EPHB4: variants seen among roughly 807,000 people sequenced by gnomAD.
EPHB4 encodes EPH receptor B4, also known as ephrin type-B receptor 4.
EPHB4 carries 50 observed loss-of-function variants against 110.6 expected under a neutral mutation model. The observed-to-expected ratio is 0.45, with a 90% CI of 0.36 to 0.57. The LOEUF (loss-of-function observed/expected upper bound fraction) is 0.57, where lower values mean the gene tolerates loss of function less well. Ranked by LOEUF, EPHB4 falls within the 20% of genes least tolerant of loss-of-function variation. The pLI is 0.00. For synonymous variants in EPHB4, 592 were observed against 578.4 expected (o/e 1.02, Z -0.34); for missense variants, 1,128 against 1,382.1 (o/e 0.82, Z 2.91).
At chr7:100,813,802 G>A in intron 9 of EPHB4, 86 bp from the exon 10 acceptor site, 1 of 1,606,374 alleles carries the variant, frequency 6.2e-7, no homozygotes, top group Non-Finnish European at 8.5e-7. Context: ...GCAGGGATTG[G>A]AGAAGATTTC....
Position 100,820,067 on chromosome 7 carries a change from G to T in EPHB4, c.964+74C>A, listed in dbSNP as rs1039656289. 3.2e-6 allele frequency: 5 copies of T among 1,562,886 alleles called. No individual in the cohort carries two copies. In the African/African-American group the frequency reaches 6.8e-5, roughly 21 times the overall value. On this transcript the variant is annotated intron_variant, in intron 5 of 16. Coordinates refer to ENST00000358173, the MANE Select transcript of EPHB4 (RefSeq NM_004444.5). ...AAGGGAAGAAGCCCAGGGAGGATGG[G>T]GGCCATGTGAGGGTCCACCTCAGAG...
intron 13 of EPHB4, 63 bp downstream of exon 13, chr7:100,807,302 T>C: frequency 6.4e-7 from 1 of 1,565,858 alleles, no homozygotes; most frequent in Non-Finnish European, 8.7e-7. Flanking sequence ...CCTCCCACCT[T>C]TCCAACCTGC....
intron 16 of EPHB4, 120 bp from the exon 17 acceptor site, chr7:100,803,710 A>T: frequency 7.8e-7 from 1 of 1,278,230 alleles, no homozygotes; most frequent in Non-Finnish European, 1.0e-6. Flanking sequence ...CCAGCGGGGG[A>T]GGGAGAACAG....
chr7:100,817,181 C>A lies in EPHB4; in HGVS notation c.1588+11G>T. The A allele has an allele frequency of 6.6e-7, 1 of 1,524,538 alleles. No homozygotes were observed. The highest frequency in any genetic ancestry group is 8.8e-7 in the Non-Finnish European group (1 of 1,137,446). 94.4% of individuals were successfully genotyped at this position (1,524,538 alleles called of 1,614,324 possible). The stretch of plus-strand genomic sequence containing the variant: ...TCCAACCCCCACCCTCACCCCCTTC[C>A]CCAGGCTCACCATCCAGTTGGGTCT... On this transcript the variant is annotated intron_variant, in intron 8 of 16. Coordinates refer to ENST00000358173, the MANE Select transcript of EPHB4 (RefSeq NM_004444.5).
At chr7:100,821,150 G>A (rs1220661417) in intron 4 of EPHB4, 1 of 151,214 alleles carries the variant, frequency 6.6e-6, no homozygotes, top group East Asian at 2.1e-4. Context: ...TCCCAGACCG[G>A]AGTGCAGTGG....
In EPHB4 at chr7:100,822,850, C is replaced by G. The variant is rs927168664; in HGVS notation, c.412-183G>C. ...ACTGTCCATTCAGCCTTGCAAAGCT[C>G]CTGCGATATGCCCGGCCTCTGGCCT... is the stretch of plus-strand genomic sequence containing the variant. On this transcript the variant is annotated intron_variant, in intron 3 of 16. Coordinates refer to ENST00000358173, the MANE Select transcript of EPHB4 (RefSeq NM_004444.5). The surrounding 1 kb of genome is among the most constrained non-coding windows in gnomAD (Gnocchi z 4.7). 1.3e-5 allele frequency among the ~76,000 whole-genome samples: 2 copies of G among 152,208 alleles called. No individual in the cohort carries two copies. Among genetic ancestry groups the G allele is most frequent in the Non-Finnish European group, 2.9e-5 (2 of 68,038 alleles).
At chr7:100,806,986 A>G (rs1202401165) in intron 13 of EPHB4, among the ~76,000 whole-genome samples, 1 of 152,046 alleles carries the variant, frequency 6.6e-6, no homozygotes, top group Non-Finnish European at 1.5e-5. Flanking sequence ...CTTTTGAGAC[A>G]GGGTCTTGCT....
At chr7:100,816,524 C>T (rs116824262) in intron 8 of EPHB4, among the ~76,000 whole-genome samples, 170 of 151,956 alleles carry the variant, frequency 1.1e-3, no homozygotes, top group African/African-American at 3.9e-3. Context: ...AGTAGAGACG[C>T]GGTTTCACCA....
In EPHB4 at chr7:100,820,123, T is replaced by A. The variant is rs776499861; in HGVS notation, c.964+18A>T. 4 of 1,611,914 alleles carry A rather than the reference T, an allele frequency of 2.5e-6. No individual in the cohort carries two copies. The highest frequency in any genetic ancestry group is 3.4e-6 in the Non-Finnish European group (4 of 1,179,120). On this transcript the variant is annotated intron_variant, in intron 5 of 16. Transcript: ENST00000358173. ...TGACCCCTCCCCAGTGAACTGCACC[T>A]GGGTGCTGGTCACTTACTGGTGCAG... is the stretch of plus-strand genomic sequence containing the variant.
Position 100,813,609 on chromosome 7 carries a change from C to A in EPHB4, c.1756+43G>T, listed in dbSNP as rs200154185. 9 of 1,608,308 alleles carry A rather than the reference C, an allele frequency of 5.6e-6. No homozygotes were observed. In the African/African-American group the frequency reaches 1.1e-4, roughly 19 times the overall value. On this transcript the variant is annotated intron_variant, in intron 10 of 16. Transcript: ENST00000358173. ...GGGATTATAGATAGGAGCCACCACA[C>A]CCGGCCCCAAGCCCCTATTCCCATC...
chr7:100,813,827 T>G (rs1266336784), intron 9 of EPHB4, 92 bp downstream of exon 9: 2 of 1,603,602 alleles, frequency 1.2e-6, no homozygotes, highest in African/African-American at 1.3e-5. Flanking sequence ...AAAAAGAGGC[T>G]GGGGACAGCC....
At chr7:100,818,711 T>G (rs977206920) in intron 6 of EPHB4, 67 bp from the exon 7 acceptor site, 1 of 1,500,724 alleles carries the variant, frequency 6.7e-7, no homozygotes, top group Admixed American at 2.1e-5. Context: ...TAAAAAAAAT[T>G]TTTTTTTTCG....
intron 12 of EPHB4, 150 bp downstream of exon 12, chr7:100,812,597 G>A: frequency 1.7e-6 from 2 of 1,157,716 alleles, no homozygotes; most frequent in Non-Finnish European, 2.4e-6. Context: ...TTAAAAAAAA[G>A]AAAAGGCAGA....
Position 100,803,321 on chromosome 7 carries a change from G to T in EPHB4, c.*140C>A. On this transcript the variant is annotated 3_prime_UTR_variant, in exon 17 of 17. Transcript: ENST00000358173. Reference sequence around the variant, plus strand: ...TATTATGGCAGAACCCCCAAATCCTGTCTCTCCAAATTGCCAACTCCTCAC... The same window carrying T: ...TATTATGGCAGAACCCCCAAATCCTTTCTCTCCAAATTGCCAACTCCTCAC... 1 of 1,073,738 alleles carries T rather than the reference G, an allele frequency of 9.3e-7. No homozygotes were observed. The highest frequency in any genetic ancestry group is 1.2e-6 in the Non-Finnish European group (1 of 805,780). The allele number at this position is 1,073,738 out of a possible 1,614,324, so 66.5% of individuals were successfully genotyped here. A position where few individuals can be genotyped will look rare whatever the true frequency, so the allele number is the denominator to read the frequency against.
chr7:100,805,797 C>A, intron 14 of EPHB4, 103 bp from the exon 15 acceptor site: 1 of 1,159,826 alleles, frequency 8.6e-7, no homozygotes, highest in African/African-American at 1.6e-5. Context: ...ATAGGAGCCA[C>A]AGCCCCCCAA....
At chr7:100,810,665 C>T (rs1812908783) in intron 12 of EPHB4, among the ~76,000 whole-genome samples, 1 of 152,000 alleles carries the variant, frequency 6.6e-6, no homozygotes. Context: ...ATCACCTGAG[C>T]CAAGGAGTTT....
At chr7:100,824,943 G>C (rs1341090781) in intron 1 of EPHB4, 2 of 152,468 alleles carry the variant, frequency 1.3e-5, no homozygotes, top group African/African-American at 2.4e-5. Context: ...AGATTCTGGG[G>C]GGCGGTATGA....
Position 100,822,484 on chromosome 7 carries a change from G to T in EPHB4, c.595C>A (p.Gln199Lys). 1 of 1,612,312 alleles carries T rather than the reference G, an allele frequency of 6.2e-7. No homozygotes were observed. The highest frequency in any genetic ancestry group is 8.5e-7 in the Non-Finnish European group (1 of 1,178,980). Residue 199 changes from glutamine to lysine, a missense_variant, in exon 4 of 17, where the codon CAG (glutamine) becomes AAG (lysine). Around this residue, in one of 3 missense-constraint regions of EPHB4, gnomAD observed 728 missense variants for 828.6 expected, o/e 0.88. Transcript: ENST00000358173. The surrounding 1 kb of genome is among the most constrained non-coding windows in gnomAD (Gnocchi z 4.7). ...AATCGAGTCAGGTTCACAGTCAGCT[G>T]GGCGCACTTTTTGTAGAAGAGGTGC... ...SLHLFYKKCAQLTVNLTRFPE... is the reference protein window; with the variant it reads ...SLHLFYKKCAKLTVNLTRFPE...
At chr7:100,821,945 C>A (rs1813245553) in intron 4 of EPHB4, among the ~76,000 whole-genome samples, 1 of 151,914 alleles carries the variant, frequency 6.6e-6, no homozygotes, top group Non-Finnish European at 1.5e-5. Flanking sequence ...CAAATCACTT[C>A]AGGTCAGGAG....
Sources: allele counts gnomAD v4.1 joint callset (sites outside exome capture counted in the v4.1 genomes callset), GRCh38; gene constraint gnomAD v4.1.1; regional missense constraint gnomAD v4.1.1; non-coding constraint Gnocchi (gnomAD v3.1); transcripts MANE v1.5; gene names NCBI Gene and HGNC (gene_info 2026-07-23, HGNC 2026-07-21).